The following ETV1 variants were observed in gnomAD, a reference collection of about 807,000 sequenced individuals.
The protein encoded by ETV1 is ETS translocation variant 1.
Under a neutral mutation model 62.3 loss-of-function variants are expected in ETV1, and 27 were observed. The ratio of observed to expected loss-of-function variants is 0.43; its 90% CI spans 0.32 to 0.60. The LOEUF (loss-of-function observed/expected upper bound fraction) is 0.60, where lower values mean the gene tolerates loss of function less well. Ranked by LOEUF, ETV1 falls within the 20% of genes least tolerant of loss-of-function variation. The probability of loss-of-function intolerance (pLI) is 0.06; values close to 1 mark genes in which losing one functional copy is unlikely to be tolerated. For missense variants in ETV1, 605 were observed against 605.8 expected, an observed-to-expected ratio of 1.00 and a Z score of 0.01; for synonymous variants, 222 against 199.6, an observed-to-expected ratio of 1.11 and a Z score of -0.94.
Position 13,893,226 on chromosome 7 carries a change from T to C in ETV1, c.*2640A>G, listed in dbSNP as rs571974062. ...TTACATCATTAACAAATGATTTCTA[T>C]GTTTGAGTAGCCAATTCAATGAGAA... On this transcript the variant is annotated 3_prime_UTR_variant, in exon 14 of 14. Transcript: ENST00000430479. 16 of 232,578 alleles carry C rather than the reference T, an allele frequency of 6.9e-5. No homozygotes were observed. The highest frequency in any genetic ancestry group is 6.7e-4 in the East Asian group (11 of 16,378). 14.4% of individuals were successfully genotyped at this position (232,578 alleles called of 1,614,324 possible). A position where few individuals can be genotyped will look rare whatever the true frequency, so the allele number is the denominator to read the frequency against.
intron 6 of ETV1, among the ~76,000 whole-genome samples, chr7:13,962,092 T>C (rs565711744): frequency 1.2e-4 from 18 of 152,114 alleles, no homozygotes; most frequent in Non-Finnish European, 2.2e-4. Context: ...TATATATTTT[T>C]GTATATACAG....
intron 6 of ETV1, among the ~76,000 whole-genome samples, chr7:13,954,127 G>T (rs1038721829): frequency 6.6e-6 from 1 of 152,064 alleles, no homozygotes; most frequent in Admixed American, 6.6e-5. Flanking sequence ...GCATTTCTAA[G>T]ATTTGTAAGT....
At position 13,989,253 on chromosome 7, in the gene ETV1, C is replaced by A; in HGVS notation, c.-88+15G>T. 2 of 567,308 alleles carry A rather than the reference C, an allele frequency of 3.5e-6. No individual in the cohort carries two copies. Among genetic ancestry groups the A allele is most frequent in the Admixed American group, 3.3e-5 (1 of 30,468 alleles). 35.1% of individuals were successfully genotyped at this position (567,308 alleles called of 1,614,324 possible). A position where few individuals can be genotyped will look rare whatever the true frequency, so the allele number is the denominator to read the frequency against. On this transcript the variant is annotated intron_variant, in intron 2 of 13. Coordinates refer to ENST00000430479, the MANE Select transcript of ETV1 (RefSeq NM_004956.5). ...CCATTCACAAAAATAACCCTCCCTA[C>A]ACCGCCTCCTTCACCTGGATCCAAA...
chr7:13,896,820 T>C (rs982118467), intron 13 of ETV1, among the ~76,000 whole-genome samples: 1 of 149,528 alleles, frequency 6.7e-6, no homozygotes, highest in Non-Finnish European at 1.5e-5. Flanking sequence ...AAATGAAAGA[T>C]GGATCAAAAG....
At chr7:13,960,071 A>G in intron 6 of ETV1, among the ~76,000 whole-genome samples, 1 of 142,454 alleles carries the variant, frequency 7.0e-6, no homozygotes, top group South Asian at 2.1e-4. Context: ...TGCTACATCT[A>G]AAGTATTTCT....
intron 5 of ETV1, among the ~76,000 whole-genome samples, chr7:13,984,816 G>A (rs1278805716): frequency 6.6e-6 from 1 of 151,776 alleles, no homozygotes; most frequent in Admixed American, 6.6e-5. Flanking sequence ...TTACAGGTAT[G>A]TTAATAATCC....
chr7:13,925,979 T>C (rs893910687), intron 9 of ETV1, among the ~76,000 whole-genome samples: 6 of 152,132 alleles, frequency 3.9e-5, no homozygotes, highest in Non-Finnish European at 8.8e-5. Flanking sequence ...TCACCACCTA[T>C]ATATAGCCAA....
intron 13 of ETV1, among the ~76,000 whole-genome samples, chr7:13,896,963 AG>A (rs1781910274): frequency 6.6e-6 from 1 of 152,192 alleles, no homozygotes; most frequent in Non-Finnish European, 1.5e-5. Flanking sequence ...CACAATGCAC[AG>A]GGAGGAAATG....
chr7:13,989,868 G>C (rs1367003380), upstream of ETV1: 1 of 352,024 alleles, frequency 2.8e-6, no homozygotes, highest in African/African-American at 2.1e-5. Flanking sequence ...TAGGCGCTGG[G>C]TCCTCAGCCT....
intron 9 of ETV1, among the ~76,000 whole-genome samples, chr7:13,914,337 G>A (rs1164736276): frequency 6.6e-6 from 1 of 151,922 alleles, no homozygotes; most frequent in African/African-American, 2.4e-5. Flanking sequence ...AAAACTTGTG[G>A]ATCAAAATGC....
At chr7:13,944,464 C>A (rs1420677441) in intron 6 of ETV1, among the ~76,000 whole-genome samples, 1 of 152,002 alleles carries the variant, frequency 6.6e-6, no homozygotes, top group African/African-American at 2.4e-5. Flanking sequence ...CCATTGGCTC[C>A]ATCTTCATAA....
At chr7:13,958,340 T>C (rs531529539) in intron 6 of ETV1, among the ~76,000 whole-genome samples, 1 of 152,308 alleles carries the variant, frequency 6.6e-6, no homozygotes, top group Non-Finnish European at 1.5e-5. Flanking sequence ...GCCCACAAAA[T>C]GACCTATCAA....
At chr7:13,986,507 T>G in intron 5 of ETV1, 131 bp downstream of exon 5, 1 of 1,536,936 alleles carries the variant, frequency 6.5e-7, no homozygotes, top group Non-Finnish European at 8.7e-7. Context: ...CTCTAATGTA[T>G]GCATGACACA....
chr7:13,951,868 G>GTAAA, intron 6 of ETV1, among the ~76,000 whole-genome samples: 1 of 152,272 alleles, frequency 6.6e-6, no homozygotes, highest in Middle Eastern at 3.4e-3. Flanking sequence ...CAAGTACTCA[G>GTAAA]TAAATGTTTG....
chr7:13,911,202 C>A, intron 10 of ETV1, 37 bp downstream of exon 10: 1 of 1,423,604 alleles, frequency 7.0e-7, no homozygotes, highest in Non-Finnish European at 9.9e-7. Flanking sequence ...TTATTCTGAA[C>A]GGTATTTACA....
At chr7:13,973,836 T>A (rs1781141400) in intron 6 of ETV1, among the ~76,000 whole-genome samples, 1 of 152,206 alleles carries the variant, frequency 6.6e-6, no homozygotes, top group Non-Finnish European at 1.5e-5. Flanking sequence ...CGGCAAGTTT[T>A]CCCAGAATGA....
chr7:13,946,131 G>C (rs149083804), intron 6 of ETV1, among the ~76,000 whole-genome samples: 106 of 152,222 alleles, frequency 7.0e-4, no homozygotes, highest in African/African-American at 2.5e-3. Context: ...GCAAAGTGGT[G>C]GTTCAAAATG....
At chr7:13,908,088 A>G (rs1429206667) in intron 11 of ETV1, among the ~76,000 whole-genome samples, 2 of 152,164 alleles carry the variant, frequency 1.3e-5, no homozygotes, top group Admixed American at 1.3e-4. Flanking sequence ...GCTTCTGCCT[A>G]TAAATGTGAC....
At chr7:13,957,919 T>G (rs113046254) in intron 6 of ETV1, among the ~76,000 whole-genome samples, 1 of 152,210 alleles carries the variant, frequency 6.6e-6, no homozygotes, top group Non-Finnish European at 1.5e-5. Context: ...ACAACCGTGA[T>G]AGGCCTGGTT....
Sources: gnomAD v4.1 joint callset for allele counts (sites outside exome capture counted in the v4.1 genomes callset) on GRCh38, gnomAD v4.1.1 for gene constraint, MANE v1.5 for transcripts, NCBI Gene and HGNC (gene_info 2026-07-23, HGNC 2026-07-21) for gene names.